Variants in MGAT4C observed in about 807,000 individuals in gnomAD.
MGAT4C encodes MGAT4 family member C, also known as alpha-1,3-mannosyl-glycoprotein 4-beta-N-acetylglucosaminyltransferase C.
In MGAT4C, 19 loss-of-function variants were observed where a neutral mutation model predicts 40.1. The ratio of observed to expected loss-of-function variants is 0.47; its 90% CI spans 0.33 to 0.70. The LOEUF is 0.70. Ranked by LOEUF, MGAT4C falls within the 30% of genes least tolerant of loss-of-function variation. The pLI, the probability that MGAT4C is intolerant of heterozygous loss-of-function variation, is 0.02. For synonymous variants in MGAT4C, 181 were observed against 187.1 expected (o/e 0.97, Z 0.27); for missense variants, 491 against 563.2 (o/e 0.87, Z 1.30).
At chr12:86,575,525 T>C (rs1372472248) in intron 2 of MGAT4C, among the ~76,000 whole-genome samples, 1 of 151,914 alleles carries the variant, frequency 6.6e-6, no homozygotes, top group Non-Finnish European at 1.5e-5. Flanking sequence ...ATCCATGTTG[T>C]TGCAAATGAT....
intron 1 of MGAT4C, among the ~76,000 whole-genome samples, chr12:86,743,647 C>A (rs780452394): frequency 1.6e-4 from 24 of 151,450 alleles, no homozygotes; most frequent in Non-Finnish European, 1.8e-4. Context: ...CTTAATTTTA[C>A]AGATTGTTAA....
intron 1 of MGAT4C, among the ~76,000 whole-genome samples, chr12:86,215,728 T>A (rs2135972491): frequency 6.6e-6 from 1 of 152,304 alleles, no homozygotes; most frequent in Admixed American, 6.5e-5. Flanking sequence ...TAAACTCTGC[T>A]AAATTTAATT....
chr12:86,665,428 G>A (rs918130004), intron 2 of MGAT4C, among the ~76,000 whole-genome samples: 1 of 151,896 alleles, frequency 6.6e-6, no homozygotes, highest in Admixed American at 6.6e-5. Flanking sequence ...CTCGGCTGGA[G>A]TGCAGTGGCG....
At position 86,053,025 on chromosome 12, in the gene MGAT4C, T is replaced by C. The variant is rs531139484; in HGVS notation, c.-56-3302A>G. On this transcript the variant is annotated intron_variant, in intron 1 of 4. Coordinates refer to ENST00000611864, the MANE Select transcript of MGAT4C (RefSeq NM_001351288.2). ...TTTACTGGAGTCTGGCTGCACTTTA[T>C]TGGAGTTGCAGAGTCAGCCAAGCAA... Among the ~76,000 whole-genome samples, 3 of 152,042 alleles carry C rather than the reference T, an allele frequency of 2.0e-5. No homozygotes were observed. The East Asian group carries it at 5.8e-4, about 29-fold the overall frequency.
At chr12:86,809,985 C>A (rs1168359210) in intron 1 of MGAT4C, among the ~76,000 whole-genome samples, 1 of 151,912 alleles carries the variant, frequency 6.6e-6, no homozygotes, top group African/African-American at 2.4e-5. Context: ...ATATTGATTC[C>A]AATTCATGAA....
At chr12:86,379,824 C>A (rs1288863971) in intron 3 of MGAT4C, among the ~76,000 whole-genome samples, 2 of 151,946 alleles carry the variant, frequency 1.3e-5, no homozygotes, top group Non-Finnish European at 2.9e-5. Flanking sequence ...TTCTTCAATC[C>A]AAAATTTTGT....
chr12:86,281,391 A>G (rs1953214851), intron 4 of MGAT4C, among the ~76,000 whole-genome samples: 1 of 151,616 alleles, frequency 6.6e-6, no homozygotes, highest in African/African-American at 2.4e-5. Context: ...ATATATATCC[A>G]TTTTGTTTCC....
At position 86,118,975 on chromosome 12, in the gene MGAT4C, C is replaced by T. The variant is rs187616717; in HGVS notation, c.-56-69252G>A. On this transcript the variant is annotated intron_variant, in intron 1 of 4. Transcript: ENST00000611864. ...TCAATAGATGAGTCATTTTCAGTAA[C>T]AAAATTGGATGCATCATATTCTAAG... Among the ~76,000 whole-genome samples, 374 of 151,906 alleles carry T rather than the reference C, an allele frequency of 2.5e-3. 1 individual carries two copies. The highest frequency in any genetic ancestry group is 8.8e-3 in the African/African-American group (366 of 41,450).
intron 1 of MGAT4C, among the ~76,000 whole-genome samples, chr12:86,786,473 G>C (rs964238283): frequency 6.6e-6 from 1 of 151,988 alleles, no homozygotes. Flanking sequence ...AAGATGTCAA[G>C]AAATTAAATA....
At chr12:86,509,431 G>A (rs1250933711) in intron 2 of MGAT4C, among the ~76,000 whole-genome samples, 1 of 152,066 alleles carries the variant, frequency 6.6e-6, no homozygotes, top group African/African-American at 2.4e-5. Flanking sequence ...TCTCTGTTTT[G>A]GTACCAGTAC....
intron 3 of MGAT4C, among the ~76,000 whole-genome samples, chr12:86,378,226 G>A (rs1955866351): frequency 6.6e-6 from 1 of 152,104 alleles, no homozygotes; most frequent in Admixed American, 6.6e-5. Flanking sequence ...TACCCAGAGT[G>A]AAATTGTTGG....
At chr12:86,205,511 T>A (rs1950217050) in intron 1 of MGAT4C, among the ~76,000 whole-genome samples, 1 of 151,694 alleles carries the variant, frequency 6.6e-6, no homozygotes. Context: ...ACATGTATTT[T>A]AATCCTATAA....
At chr12:86,078,769 G>T (rs997472328) in intron 1 of MGAT4C, among the ~76,000 whole-genome samples, 15 of 152,122 alleles carry the variant, frequency 9.9e-5, no homozygotes, top group African/African-American at 3.6e-4. Flanking sequence ...GATGACAGGG[G>T]TGGCTGGGCA....
chr12:86,242,130 T>C (rs1249880733), intron 1 of MGAT4C, among the ~76,000 whole-genome samples: 1 of 152,144 alleles, frequency 6.6e-6, no homozygotes, highest in African/African-American at 2.4e-5. Flanking sequence ...ATTTAAGGGC[T>C]TTGGAGTGAG....
chr12:86,152,754 T>A (rs1566059094), intron 1 of MGAT4C, among the ~76,000 whole-genome samples: 1 of 152,190 alleles, frequency 6.6e-6, no homozygotes, highest in Admixed American at 6.5e-5. Flanking sequence ...AATATGAGAG[T>A]ATGTAGTTCT....
chr12:86,061,407 G>A (rs1354759040), intron 1 of MGAT4C, among the ~76,000 whole-genome samples: 1 of 152,038 alleles, frequency 6.6e-6, no homozygotes, highest in African/African-American at 2.4e-5. Context: ...CAGGGCCCTG[G>A]GTTTCAAGCA....
chr12:86,513,816 A>T (rs1021180676), intron 2 of MGAT4C, among the ~76,000 whole-genome samples: 1 of 152,174 alleles, frequency 6.6e-6, no homozygotes. Context: ...AAGAAAAGTG[A>T]GTTATATGGC....
At chr12:86,289,816 T>C (rs1953459358) in intron 4 of MGAT4C, among the ~76,000 whole-genome samples, 13 of 152,152 alleles carry the variant, frequency 8.5e-5, no homozygotes, top group Admixed American at 8.5e-4. Flanking sequence ...TTTTAGGTTT[T>C]TACTGTTGAG....
At chr12:86,042,093 T>C (rs906599577) in intron 2 of MGAT4C, among the ~76,000 whole-genome samples, 8 of 152,248 alleles carry the variant, frequency 5.3e-5, no homozygotes, top group African/African-American at 1.9e-4. Context: ...TTGAACTTTG[T>C]TGGTTTAAAG....
Sources: allele counts gnomAD v4.1 joint callset (sites outside exome capture counted in the v4.1 genomes callset), GRCh38; gene constraint gnomAD v4.1.1; transcripts MANE v1.5; gene names NCBI Gene and HGNC (gene_info 2026-07-23, HGNC 2026-07-21).